Variants in PLCB1 observed in about 807,000 individuals in gnomAD.
PLCB1 encodes 1-phosphatidylinositol 4,5-bisphosphate phosphodiesterase beta-1.
A neutral mutation model predicts 161.8 loss-of-function variants in PLCB1; 46 were observed. The observed-to-expected ratio is 0.28, with a 90% CI of 0.22 to 0.36. The LOEUF is 0.36. Among genes scored for constraint, PLCB1 ranks in the 10% least tolerant of loss-of-function variants. The pLI is 1.00. For synonymous variants in PLCB1, 517 were observed against 503.7 expected (o/e 1.03, Z -0.35); for missense variants, 1,016 against 1,472.5 (o/e 0.69, Z 5.07).
At chr20:8,780,856 C>T (rs1437081695) in intron 27 of PLCB1, among the ~76,000 whole-genome samples, 1 of 152,308 alleles carries the variant, frequency 6.6e-6, no homozygotes, top group South Asian at 2.1e-4. Context: ...ATAAAAATAT[C>T]TCTTACCTCA....
At chr20:8,875,047 G>T (rs889999328) in intron 31 of PLCB1, among the ~76,000 whole-genome samples, 2 of 151,646 alleles carry the variant, frequency 1.3e-5, no homozygotes, top group Non-Finnish European at 2.9e-5. Flanking sequence ...AAAAGGTATT[G>T]TGCTATTGCA....
intron 2 of PLCB1, among the ~76,000 whole-genome samples, chr20:8,314,622 T>C (rs1241069083): frequency 6.6e-6 from 1 of 152,228 alleles, no homozygotes; most frequent in Non-Finnish European, 1.5e-5. Context: ...AATGAATTAA[T>C]ATACTCAAAA....
At chr20:8,297,262 G>A (rs548715712) in intron 2 of PLCB1, among the ~76,000 whole-genome samples, 46 of 152,048 alleles carry the variant, frequency 3.0e-4, no homozygotes, top group East Asian at 2.5e-3. Flanking sequence ...TAAAATGTAC[G>A]TATAAAATTG....
At chr20:8,809,997 A>G (rs1984733820) in intron 31 of PLCB1, among the ~76,000 whole-genome samples, 1 of 152,190 alleles carries the variant, frequency 6.6e-6, no homozygotes, top group African/African-American at 2.4e-5. Flanking sequence ...TCCATTTTAC[A>G]GGGGCCACTT....
At chr20:8,184,585 T>A (rs1263485706) in intron 2 of PLCB1, among the ~76,000 whole-genome samples, 2 of 151,810 alleles carry the variant, frequency 1.3e-5, no homozygotes, top group Non-Finnish European at 2.9e-5. Flanking sequence ...TTTCTGAAAT[T>A]CTTCAAACTT....
intron 2 of PLCB1, among the ~76,000 whole-genome samples, chr20:8,323,720 A>G (rs576711305): frequency 6.6e-6 from 1 of 152,208 alleles, no homozygotes; most frequent in South Asian, 2.1e-4. Flanking sequence ...CATCGATTTT[A>G]CCTCTTGATG....
At chr20:8,561,408 G>A (rs556122235) in intron 3 of PLCB1, among the ~76,000 whole-genome samples, 10 of 151,876 alleles carry the variant, frequency 6.6e-5, no homozygotes, top group East Asian at 3.9e-4. Flanking sequence ...TAAGATAGTC[G>A]GGATATGAGC....
intron 28 of PLCB1, 29 bp downstream of exon 28, chr20:8,788,554 A>G: frequency 6.2e-7 from 1 of 1,603,928 alleles, no homozygotes; most frequent in East Asian, 2.2e-5. Flanking sequence ...TACAATTGAC[A>G]TGTGCATCTG....
intron 10 of PLCB1, among the ~76,000 whole-genome samples, chr20:8,687,855 G>C (rs1297436875): frequency 6.6e-6 from 1 of 152,180 alleles, no homozygotes; most frequent in African/African-American, 2.4e-5. Flanking sequence ...ATACCCATTA[G>C]TGGGACGGCT....
intron 31 of PLCB1, among the ~76,000 whole-genome samples, chr20:8,842,042 C>A (rs535267036): frequency 6.6e-6 from 1 of 151,212 alleles, no homozygotes; most frequent in Admixed American, 6.6e-5. Context: ...TTGGAAGTAC[C>A]TTGGCTTATA....
At chr20:8,849,549 G>A (rs897924191) in intron 31 of PLCB1, among the ~76,000 whole-genome samples, 6 of 152,028 alleles carry the variant, frequency 3.9e-5, no homozygotes, top group Admixed American at 1.3e-4. Context: ...GATGGTGTGC[G>A]CCTGTAGTCC....
intron 20 of PLCB1, among the ~76,000 whole-genome samples, 199 bp from the exon 21 acceptor site, chr20:8,739,062 G>C (rs754719217): frequency 2.6e-5 from 4 of 152,226 alleles, no homozygotes; most frequent in Non-Finnish European, 5.9e-5. Context: ...TGAGACAGGA[G>C]AATGGCTTGA....
intron 2 of PLCB1, among the ~76,000 whole-genome samples, chr20:8,252,830 A>G (rs1053688427): frequency 6.6e-6 from 1 of 151,988 alleles, no homozygotes; most frequent in African/African-American, 2.4e-5. Flanking sequence ...TGTCATGGCT[A>G]TAATTAGCAT....
At chr20:8,649,248 T>C (rs1989247239) in intron 6 of PLCB1, 126 bp from the exon 7 acceptor site, 8 of 618,540 alleles carry the variant, frequency 1.3e-5, no homozygotes, top group Non-Finnish European at 2.3e-5. Context: ...TGGTTATCTT[T>C]TAGTTCTTTA....
chr20:8,333,397 A>G (rs576818674), intron 2 of PLCB1, among the ~76,000 whole-genome samples: 34 of 152,346 alleles, frequency 2.2e-4, no homozygotes, highest in Admixed American at 1.6e-3. Flanking sequence ...AGCTTTTTAC[A>G]ATGCTGAGTA....
Position 8,391,832 on chromosome 20 carries a change from C to CAT in PLCB1, c.246+20393_246+20394dup, listed in dbSNP as rs1387935607. 5.0e-3 allele frequency among the ~76,000 whole-genome samples: 645 copies of CAT among 129,964 alleles called. 3 individuals are homozygous for CAT. The highest frequency in any genetic ancestry group is 8.6e-3 in the Admixed American group (107 of 12,458). 85.3% of individuals were successfully genotyped at this position (129,964 alleles called of 152,430 possible). On this transcript the variant is annotated intron_variant, in intron 3 of 31. Coordinates refer to ENST00000338037, the MANE Select transcript of PLCB1 (RefSeq NM_015192.4). ...ATATATATATATATATATACACACA[C>CAT]ATATATATATATTACTTGAACTTCC...
intron 3 of PLCB1, among the ~76,000 whole-genome samples, chr20:8,391,832 CAT>C (rs1387935607): frequency 7.7e-6 from 1 of 129,972 alleles, no homozygotes; most frequent in African/African-American, 2.8e-5. Flanking sequence ...TATACACACA[CAT>C]ATATATATAT....
intron 3 of PLCB1, among the ~76,000 whole-genome samples, chr20:8,467,952 T>C (rs1885530497): frequency 6.6e-6 from 1 of 152,190 alleles, no homozygotes; most frequent in African/African-American, 2.4e-5. Context: ...CTTTCAAATA[T>C]ATAAGCTTCT....
At chr20:8,824,578 GCTACT>G (rs1034796330) in intron 31 of PLCB1, among the ~76,000 whole-genome samples, 16 of 152,240 alleles carry the variant, frequency 1.1e-4, no homozygotes, top group Non-Finnish European at 1.8e-4. Context: ...CAAGAATAAT[GCTACT>G]GAGATGATGA....
Sources: gnomAD v4.1 joint callset for allele counts (sites outside exome capture counted in the v4.1 genomes callset) on GRCh38, gnomAD v4.1.1 for gene constraint, MANE v1.5 for transcripts, NCBI Gene and HGNC (gene_info 2026-07-23, HGNC 2026-07-21) for gene names.